SCAF8: variants seen among roughly 807,000 people sequenced by gnomAD.
SCAF8 encodes the protein SR-related and CTD-associated factor 8.
Under a neutral mutation model 140.5 loss-of-function variants are expected in SCAF8, and 23 were observed. That is an observed-to-expected ratio of 0.16 (90% CI 0.12 to 0.23). The LOEUF is 0.23. Among genes scored for constraint, SCAF8 ranks in the 10% least tolerant of loss-of-function variants. The pLI is 1.00. For synonymous variants in SCAF8, 575 were observed against 528.9 expected (o/e 1.09, Z -1.20); for missense variants, 1,397 against 1,555.7 (o/e 0.90, Z 1.72).
Position 154,827,154 on chromosome 6 carries a change from G to GTT in SCAF8, c.2072-10_2072-9dup. On this transcript the variant is annotated splice_polypyrimidine_tract_variant and intron_variant, in intron 17 of 19. Coordinates refer to ENST00000367178, the MANE Select transcript of SCAF8 (RefSeq NM_014892.5). ...AATTTTTCTTGTGCTATTTTTTGGG[G>GTT]TTTTTTTTTCTGTCTAGGTTTCATG... is the stretch of plus-strand genomic sequence containing the variant. The GTT allele has an allele frequency of 2.6e-6, 4 of 1,542,012 alleles. No individual in the cohort carries two copies. The highest frequency in any genetic ancestry group is 2.3e-5 in the East Asian group (1 of 42,866).
intron 9 of SCAF8, among the ~76,000 whole-genome samples, chr6:154,805,997 G>A (rs1008413151): frequency 3.3e-5 from 5 of 152,102 alleles, no homozygotes; most frequent in Admixed American, 2.0e-4. Flanking sequence ...ACCCTCAGGC[G>A]ATGGGCATTA....
intron 3 of SCAF8, among the ~76,000 whole-genome samples, chr6:154,787,083 G>A (rs911336709): frequency 6.6e-6 from 1 of 152,218 alleles, no homozygotes; most frequent in African/African-American, 2.4e-5. Context: ...GGCAGGGCAC[G>A]GTGGCTCGTG....
chr6:154,766,062 TAAAG>T (rs1037566470), intron 1 of SCAF8, among the ~76,000 whole-genome samples: 3 of 121,030 alleles, frequency 2.5e-5, no homozygotes, highest in Non-Finnish European at 3.7e-5. Context: ...ACTGTATTCT[TAAAG>T]TAAGAGAAAA....
intron 1 of SCAF8, among the ~76,000 whole-genome samples, chr6:154,737,425 C>T (rs1283702025): frequency 6.6e-6 from 1 of 152,128 alleles, no homozygotes; most frequent in Non-Finnish European, 1.5e-5. Context: ...CCTGTAATCC[C>T]ATCCCTTTGG....
intron 1 of SCAF8, chr6:154,741,949 C>G: frequency 6.5e-7 from 1 of 1,528,836 alleles, no homozygotes; most frequent in Non-Finnish European, 8.8e-7. Flanking sequence ...CTACTCCTCT[C>G]TCTCAGGATT....
chr6:154,733,625 C>T lies in SCAF8; in HGVS notation c.-276C>T, dbSNP rs1778320335. 12 of 1,295,486 alleles carry T rather than the reference C, an allele frequency of 9.3e-6. 1 individual carries two copies. In the South Asian group the frequency reaches 1.2e-4, roughly 13 times the overall value. 80.2% of individuals were successfully genotyped at this position (1,295,486 alleles called of 1,614,324 possible). A position where few individuals can be genotyped will look rare whatever the true frequency, so the allele number is the denominator to read the frequency against. ...AAGAGAAGGCGCCGCGGCCCAGCCC[C>T]TCCCCCGCCCGCCGCCGACCCGCCC... On this transcript the variant is annotated 5_prime_UTR_variant, in exon 1 of 20. Transcript: ENST00000367178.
At position 154,815,808 on chromosome 6, in the gene SCAF8, T is replaced by A. The variant is rs771793664; in HGVS notation, c.1513T>A (p.Ser505Thr). 1 of 1,599,654 alleles carries A rather than the reference T, an allele frequency of 6.3e-7. No homozygotes were observed. ...NLFEEFGQIESINMIPPRGCA... is the reference protein window; with the variant it reads ...NLFEEFGQIETINMIPPRGCA... ...GTTTGAAGAGTTTGGACAGATTGAATCCATTAATGCAAGTATCAGTTCTTA... is the reference window on the plus strand; with the variant it reads ...GTTTGAAGAGTTTGGACAGATTGAAACCATTAATGCAAGTATCAGTTCTTA... Residue 505 changes from serine to threonine, a missense_variant, in exon 13 of 20, where the codon TCC becomes ACC. By Grantham distance (58) the Ser-to-Thr change is moderately conservative. This residue lies in a region of SCAF8 where 59 missense variants were observed against 110.7 expected (regional missense o/e 0.53). Coordinates refer to ENST00000367178, the MANE Select transcript of SCAF8 (RefSeq NM_014892.5).
At chr6:154,799,332 C>T (rs1777701226) in intron 6 of SCAF8, among the ~76,000 whole-genome samples, 1 of 151,044 alleles carries the variant, frequency 6.6e-6, no homozygotes, top group South Asian at 2.1e-4. Context: ...AGGCTGGTCT[C>T]AGACTCCTGG....
chr6:154,821,459 G>GA (rs1307992294), intron 15 of SCAF8, among the ~76,000 whole-genome samples: 4 of 151,346 alleles, frequency 2.6e-5, no homozygotes, highest in East Asian at 1.9e-4. Flanking sequence ...TATTATCTGT[G>GA]AAAAAAACAG....
At chr6:154,798,043 C>CT (rs1210167147) in intron 6 of SCAF8, among the ~76,000 whole-genome samples, 3 of 151,356 alleles carry the variant, frequency 2.0e-5, no homozygotes, top group Admixed American at 6.6e-5. Context: ...TTCACTCAAC[C>CT]TTCAGCAAAC....
At chr6:154,804,873 T>C (rs1777868595) in intron 8 of SCAF8, among the ~76,000 whole-genome samples, 2 of 152,162 alleles carry the variant, frequency 1.3e-5, no homozygotes, top group Non-Finnish European at 2.9e-5. Flanking sequence ...AGTATCTGTC[T>C]CTGTTAACAT....
At position 154,803,599 on chromosome 6, in the gene SCAF8, A is replaced by G; in HGVS notation, c.839A>G (p.Lys280Arg). The G allele has an allele frequency of 6.2e-7, 1 of 1,611,842 alleles. No individual in the cohort carries two copies. The highest frequency in any genetic ancestry group is 8.5e-7 in the Non-Finnish European group (1 of 1,178,976). ...GACTCTGAGCATAGTGAAGAACCCA[A>G]AAAGGAAATTCCAGCTTCACAACTG... ...GEDSEHSEEPKKEIPASQLSH... is the reference protein window; with the variant it reads ...GEDSEHSEEPRKEIPASQLSH... Residue 280 changes from lysine (K) to arginine (R), a missense_variant, in exon 8 of 20, where the codon AAA becomes AGA. Transcript: ENST00000367178.
chr6:154,752,675 A>T (rs1392532953), intron 1 of SCAF8, among the ~76,000 whole-genome samples: 1 of 152,242 alleles, frequency 6.6e-6, no homozygotes, highest in Non-Finnish European at 1.5e-5. Flanking sequence ...TTGGGGAAAT[A>T]GTTGAACAAA....
intron 2 of SCAF8, among the ~76,000 whole-genome samples, chr6:154,774,973 G>C (rs1020744469): frequency 2.0e-5 from 3 of 152,116 alleles, no homozygotes; most frequent in South Asian, 4.1e-4. Context: ...TTCTAATTAA[G>C]TAGGTACTAA....
At position 154,787,847 on chromosome 6, in the gene SCAF8, CT is replaced by C; in HGVS notation, c.160-7del. Reference sequence around the variant, plus strand: ...TCCGTTTCCTTTCCTTTTCATTCTTCTTTTTTTCATCAGTGTAAACCAGAAT... The same window carrying C: ...TCCGTTTCCTTTCCTTTTCATTCTTCTTTTTTCATCAGTGTAAACCAGAAT... On this transcript the variant is annotated splice_polypyrimidine_tract_variant and intron_variant, in intron 3 of 19. Coordinates refer to ENST00000367178, the MANE Select transcript of SCAF8 (RefSeq NM_014892.5). The C allele has an allele frequency of 1.9e-6, 3 of 1,576,468 alleles. No individual in the cohort carries two copies. Among genetic ancestry groups the C allele is most frequent in the South Asian group, 1.2e-5 (1 of 85,086 alleles).
chr6:154,784,567 C>T (rs886923190), intron 3 of SCAF8, among the ~76,000 whole-genome samples: 1 of 152,022 alleles, frequency 6.6e-6, no homozygotes, highest in African/African-American at 2.4e-5. Context: ...AAATATTCCA[C>T]GAAATTCCAG....
At chr6:154,742,430 T>C (rs1298059420) in intron 1 of SCAF8, among the ~76,000 whole-genome samples, 1 of 152,154 alleles carries the variant, frequency 6.6e-6, no homozygotes, top group Non-Finnish European at 1.5e-5. Context: ...GAATAAAGAA[T>C]TGAATTTTTG....
rs1388862340 is a variant in SCAF8 at position 154,815,752 on chromosome 6, A to G, written c.1457A>G (p.Lys486Arg). 1 of 1,613,304 alleles carries G rather than the reference A, an allele frequency of 6.2e-7. No individual in the cohort carries two copies. Among genetic ancestry groups the G allele is most frequent in the South Asian group, 1.1e-5 (1 of 91,066 alleles). The change falls in exon 13 of 20, where the codon AAG becomes AGG. Residue 486 changes from lysine (K) to arginine (R), a missense_variant. Physicochemically the swap from Lys to Arg is conservative, Grantham distance 26. This residue lies in a region of SCAF8 where 59 missense variants were observed against 110.7 expected (regional missense o/e 0.53). Coordinates refer to ENST00000367178, the MANE Select transcript of SCAF8 (RefSeq NM_014892.5). ...ACTCTCTGGGTTGGGCAAGTGGACAAGAAGGCAACACAGCAAGACTTAACC... is the reference window on the plus strand; with the variant it reads ...ACTCTCTGGGTTGGGCAAGTGGACAGGAAGGCAACACAGCAAGACTTAACC... ...STTLWVGQVD[K>R]KATQQDLTNL...
intron 1 of SCAF8, among the ~76,000 whole-genome samples, chr6:154,753,002 TTTTTG>T (rs951800541): frequency 6.6e-5 from 10 of 151,540 alleles, no homozygotes; most frequent in African/African-American, 1.7e-4. Flanking sequence ...TACAGTTTTG[TTTTTG>T]TTTTGTTTTT....
Sources: allele counts gnomAD v4.1 joint callset (sites outside exome capture counted in the v4.1 genomes callset), GRCh38; gene constraint gnomAD v4.1.1; regional missense constraint gnomAD v4.1.1; transcripts MANE v1.5; gene names NCBI Gene and HGNC (gene_info 2026-07-23, HGNC 2026-07-21).